Variants in CNTNAP5 observed in about 807,000 individuals in gnomAD.
CNTNAP5 encodes the protein contactin associated protein family member 5, also known as contactin-associated protein-like 5.
In CNTNAP5, 72 loss-of-function variants were observed where a neutral mutation model predicts 150.2. The observed-to-expected ratio is 0.48, with a 90% CI of 0.40 to 0.58. The LOEUF is 0.58. CNTNAP5 is among the 20% of genes least tolerant of loss of function. The pLI is 0.00. For synonymous variants in CNTNAP5, 672 were observed against 619.8 expected, an observed-to-expected ratio of 1.08 and a Z score of -1.25; for missense variants, 1,636 against 1,626.2, an observed-to-expected ratio of 1.01 and a Z score of -0.10.
chr2:124,533,844 C>T (rs1695171534), intron 10 of CNTNAP5, among the ~76,000 whole-genome samples: 1 of 152,192 alleles, frequency 6.6e-6, no homozygotes, highest in Admixed American at 6.5e-5. Flanking sequence ...GGTTCTAGAA[C>T]AGCTACAGCT....
chr2:124,355,738 T>C (rs544308824), intron 3 of CNTNAP5, among the ~76,000 whole-genome samples: 1 of 152,298 alleles, frequency 6.6e-6, no homozygotes, highest in Non-Finnish European at 1.5e-5. Flanking sequence ...TCCATTATTA[T>C]TTTTTTCTGA....
intron 19 of CNTNAP5, among the ~76,000 whole-genome samples, chr2:124,846,954 G>A (rs1209379898): frequency 6.6e-6 from 1 of 152,208 alleles, no homozygotes; most frequent in African/African-American, 2.4e-5. Flanking sequence ...GTGGATAACA[G>A]CAACTGCTGC....
intron 13 of CNTNAP5, among the ~76,000 whole-genome samples, chr2:124,656,380 G>T (rs554910123): frequency 1.1e-4 from 16 of 152,246 alleles, no homozygotes; most frequent in Non-Finnish European, 1.8e-4. Context: ...AAGTGATACA[G>T]CTAAAATGTG....
chr2:124,911,375 C>T (rs980474168), intron 22 of CNTNAP5, 92 bp from the exon 23 acceptor site: 140 of 866,770 alleles, frequency 1.6e-4, no homozygotes, highest in East Asian at 2.9e-4. Context: ...TGGTGTAATG[C>T]ACAGGTGTGT....
At chr2:124,197,626 A>G (rs1159954908) in intron 1 of CNTNAP5, among the ~76,000 whole-genome samples, 1 of 152,190 alleles carries the variant, frequency 6.6e-6, no homozygotes, top group African/African-American at 2.4e-5. Flanking sequence ...TGAGGTGTGT[A>G]TATCTTTAAC....
intron 23 of CNTNAP5, among the ~76,000 whole-genome samples, 195 bp from the exon 24 acceptor site, chr2:124,913,897 G>A (rs1487154708): frequency 6.6e-6 from 1 of 152,054 alleles, no homozygotes; most frequent in Non-Finnish European, 1.5e-5. Context: ...TCTGAAAGAA[G>A]GAGGTTTTAT....
chr2:124,696,510 G>T (rs1193376851), intron 13 of CNTNAP5, among the ~76,000 whole-genome samples: 1 of 152,114 alleles, frequency 6.6e-6, no homozygotes, highest in African/African-American at 2.4e-5. Context: ...AGTGGCCATA[G>T]TCAGCCCTGC....
intron 20 of CNTNAP5, among the ~76,000 whole-genome samples, chr2:124,867,910 A>T (rs1477565803): frequency 6.6e-6 from 1 of 152,192 alleles, no homozygotes; most frequent in Non-Finnish European, 1.5e-5. Context: ...CTTATTAGGA[A>T]GTTCTCCTGA....
chr2:124,880,056 G>T (rs1248101393), intron 21 of CNTNAP5, among the ~76,000 whole-genome samples: 1 of 152,080 alleles, frequency 6.6e-6, no homozygotes, highest in Non-Finnish European at 1.5e-5. Context: ...GAGGAGTGTT[G>T]TGTGGCCACT....
chr2:124,711,470 G>A (rs1679806603), intron 13 of CNTNAP5, among the ~76,000 whole-genome samples: 1 of 151,896 alleles, frequency 6.6e-6, no homozygotes, highest in African/African-American at 2.4e-5. Flanking sequence ...CTTTAGTTCA[G>A]GCTCTTCTTA....
chr2:124,484,833 T>C (rs1296426525), intron 7 of CNTNAP5, among the ~76,000 whole-genome samples: 1 of 152,236 alleles, frequency 6.6e-6, no homozygotes, highest in Non-Finnish European at 1.5e-5. Context: ...GCTTCATTGA[T>C]GCCTGTGAAG....
chr2:124,408,514 T>A (rs1285993655), intron 3 of CNTNAP5, among the ~76,000 whole-genome samples: 1 of 151,968 alleles, frequency 6.6e-6, no homozygotes, highest in Non-Finnish European at 1.5e-5. Flanking sequence ...GCAGTGGTTC[T>A]CCCAGCACGC....
chr2:124,437,353 C>A (rs1352406497), intron 5 of CNTNAP5, among the ~76,000 whole-genome samples: 1 of 152,112 alleles, frequency 6.6e-6, no homozygotes, highest in Non-Finnish European at 1.5e-5. Flanking sequence ...CCAGTCCGAT[C>A]CTCAAGGAAG....
intron 1 of CNTNAP5, among the ~76,000 whole-genome samples, chr2:124,178,447 G>T (rs765751471): frequency 2.0e-5 from 3 of 152,152 alleles, no homozygotes; most frequent in Non-Finnish European, 2.9e-5. Flanking sequence ...GCTAGGCTGA[G>T]CACTCTAATT....
chr2:124,163,179 A>G (rs1684726557), intron 1 of CNTNAP5, among the ~76,000 whole-genome samples: 1 of 152,150 alleles, frequency 6.6e-6, no homozygotes, highest in East Asian at 1.9e-4. Context: ...AAGCCTAGAA[A>G]TGAGATCATG....
At chr2:124,246,025 G>A (rs74680873) in intron 3 of CNTNAP5, among the ~76,000 whole-genome samples, 11,236 of 151,954 alleles carry the variant, frequency 0.074, 576 homozygotes, top group Non-Finnish European at 0.11. Context: ...TTGAGCCACC[G>A]CACCTGGCCA....
intron 10 of CNTNAP5, among the ~76,000 whole-genome samples, chr2:124,551,044 G>A (rs926186295): frequency 3.3e-5 from 5 of 152,188 alleles, no homozygotes; most frequent in East Asian, 1.9e-4. Flanking sequence ...TTCAGTGTGC[G>A]GTAGAGTAGA....
At chr2:124,579,719 G>A (rs1696368696) in intron 11 of CNTNAP5, among the ~76,000 whole-genome samples, 1 of 152,214 alleles carries the variant, frequency 6.6e-6, no homozygotes, top group African/African-American at 2.4e-5. Flanking sequence ...AAAAATGAGT[G>A]ATCGTGAGGG....
intron 19 of CNTNAP5, among the ~76,000 whole-genome samples, chr2:124,824,380 T>C (rs1682551439): frequency 6.6e-6 from 1 of 152,154 alleles, no homozygotes; most frequent in Non-Finnish European, 1.5e-5. Context: ...GAAAATAGCA[T>C]GTTGTTGGCA....
Sources: allele counts gnomAD v4.1 joint callset (sites outside exome capture counted in the v4.1 genomes callset), GRCh38; gene constraint gnomAD v4.1.1; transcripts MANE v1.5; gene names NCBI Gene and HGNC (gene_info 2026-07-23, HGNC 2026-07-21).